Variants in PRELID2 observed in about 807,000 individuals in gnomAD.
PRELID2 encodes the protein PRELI domain containing 2, also known as PRELI domain-containing protein 2.
PRELID2 carries 25 observed loss-of-function variants against 28.4 expected under a neutral mutation model. The ratio of observed to expected loss-of-function variants is 0.88; its 90% CI spans 0.64 to 1.23. The LOEUF (loss-of-function observed/expected upper bound fraction) is 1.23, where lower values mean the gene tolerates loss of function less well. Ranked by LOEUF, PRELID2 falls within the 50% of genes most tolerant of loss-of-function variation. The probability of loss-of-function intolerance (pLI) is 0.00; values close to 1 mark genes in which losing one functional copy is unlikely to be tolerated. For synonymous variants in PRELID2, 76 were observed against 71.6 expected, an observed-to-expected ratio of 1.06 and a Z score of -0.31; for missense variants, 201 against 214.4, an observed-to-expected ratio of 0.94 and a Z score of 0.39.
At chr5:145,628,747 T>C (rs1753891025) in intron 1 of PRELID2, among the ~76,000 whole-genome samples, 1 of 152,194 alleles carries the variant, frequency 6.6e-6, no homozygotes, top group African/African-American at 2.4e-5. Flanking sequence ...TAACTGAGCA[T>C]TTTATGGGCA....
chr5:145,477,673 A>G (rs182579579), intron 1 of PRELID2, among the ~76,000 whole-genome samples: 3 of 152,346 alleles, frequency 2.0e-5, no homozygotes, highest in Non-Finnish European at 4.4e-5. Flanking sequence ...AATCTACTAT[A>G]TAAAATTCTA....
In PRELID2 at chr5:145,478,318, C is replaced by A. The variant is rs544669387; in HGVS notation, n.71-5003G>T. 1.1e-3 allele frequency among the ~76,000 whole-genome samples: 163 copies of A among 152,002 alleles called. 1 individual carries two copies. The highest frequency in any genetic ancestry group is 2.0e-3 in the Non-Finnish European group (133 of 67,982). ...ATCCCAGCACTTTGGGAGGCAGAAGCGGGCAGATCATGAGGCCAGGAGTTC... is the reference window on the plus strand; with the variant it reads ...ATCCCAGCACTTTGGGAGGCAGAAGAGGGCAGATCATGAGGCCAGGAGTTC... On this transcript the variant is annotated intron_variant and non_coding_transcript_variant, in intron 1 of 2. Transcript: ENST00000510259.
intron 1 of PRELID2, among the ~76,000 whole-genome samples, chr5:145,636,356 C>T (rs569054410): frequency 2.6e-5 from 4 of 152,220 alleles, no homozygotes; most frequent in Non-Finnish European, 5.9e-5. Context: ...GTATAATATA[C>T]TGACAAGCAT....
At chr5:145,578,635 A>G (rs1169687776) in intron 1 of PRELID2, among the ~76,000 whole-genome samples, 1 of 152,066 alleles carries the variant, frequency 6.6e-6, no homozygotes, top group East Asian at 1.9e-4. Context: ...TAGTTTTATG[A>G]TGGTAATCTT....
chr5:145,272,834 T>G, the PRELID2 span, among the ~76,000 whole-genome samples: 1 of 152,132 alleles, frequency 6.6e-6, no homozygotes, highest in African/African-American at 2.4e-5. Context: ...TCTATAAATT[T>G]TTCGCTTACT....
At chr5:145,378,151 G>T in the PRELID2 span, among the ~76,000 whole-genome samples, 2 of 152,180 alleles carry the variant, frequency 1.3e-5, no homozygotes, top group Non-Finnish European at 2.9e-5. Flanking sequence ...CAGCTGAGTG[G>T]TCTGCTGTTA....
intron 1 of PRELID2, among the ~76,000 whole-genome samples, chr5:145,659,379 T>C (rs10515553): frequency 0.26 from 39,085 of 152,244 alleles, 6,512 homozygotes; most frequent in Non-Finnish European, 0.38. Context: ...TACATTTATT[T>C]CACCGTATCA....
intron 1 of PRELID2, among the ~76,000 whole-genome samples, chr5:145,500,602 C>T (rs1752351469): frequency 6.6e-6 from 1 of 151,980 alleles, no homozygotes; most frequent in Admixed American, 6.6e-5. Context: ...AGCTTTTGAC[C>T]CAAGGGTCAG....
chr5:145,775,175 G>A (rs1348032379), intron 5 of PRELID2, among the ~76,000 whole-genome samples: 1 of 152,032 alleles, frequency 6.6e-6, no homozygotes, highest in African/African-American at 2.4e-5. Context: ...GGGAGGTGGA[G>A]GTTGCAGTGA....
the PRELID2 span, among the ~76,000 whole-genome samples, chr5:145,329,225 G>A: frequency 6.6e-6 from 1 of 152,002 alleles, no homozygotes; most frequent in Non-Finnish European, 1.5e-5. Context: ...CTCCAGCTTT[G>A]TTCTTTCTTT....
intron 1 of PRELID2, among the ~76,000 whole-genome samples, chr5:145,640,636 T>A (rs1243373859): frequency 9.1e-5 from 13 of 142,928 alleles, no homozygotes; most frequent in African/African-American, 3.5e-4. Flanking sequence ...AGAGCGAGAC[T>A]CTGTCTCAAA....
At chr5:145,557,735 A>C (rs1326781459) in intron 1 of PRELID2, among the ~76,000 whole-genome samples, 1 of 152,234 alleles carries the variant, frequency 6.6e-6, no homozygotes, top group African/African-American at 2.4e-5. Context: ...TGAGGTAAGC[A>C]AGCTAAGTGT....
At chr5:145,621,622 A>C (rs1753775447) in intron 1 of PRELID2, among the ~76,000 whole-genome samples, 1 of 152,226 alleles carries the variant, frequency 6.6e-6, no homozygotes, top group Non-Finnish European at 1.5e-5. Flanking sequence ...GGGAGGCAAA[A>C]ATGAATAAAT....
downstream of PRELID2, among the ~76,000 whole-genome samples, chr5:145,470,110 A>G (rs1013227385): frequency 5.9e-5 from 9 of 152,176 alleles, no homozygotes; most frequent in Non-Finnish European, 1.0e-4. Flanking sequence ...GAAGGGTGGG[A>G]CAGTTGTCTG....
chr5:145,319,233 C>G, the PRELID2 span, among the ~76,000 whole-genome samples: 3 of 152,174 alleles, frequency 2.0e-5, no homozygotes, highest in Non-Finnish European at 2.9e-5. Context: ...CCACACTTTT[C>G]TACCCAATAT....
chr5:145,817,210 A>AT (rs1561643788), intron 4 of PRELID2, among the ~76,000 whole-genome samples: 1 of 67,950 alleles, frequency 1.5e-5, no homozygotes, highest in African/African-American at 3.9e-5. Flanking sequence ...TAAATAAATA[A>AT]ATAAAAAAAA....
intron 5 of PRELID2, among the ~76,000 whole-genome samples, chr5:145,794,056 A>G (rs1031325165): frequency 6.6e-6 from 1 of 152,162 alleles, no homozygotes; most frequent in Admixed American, 6.5e-5. Flanking sequence ...TAATAAAGAA[A>G]AGAAATAAGC....
chr5:145,449,647 G>A, the PRELID2 span, among the ~76,000 whole-genome samples: 3 of 152,030 alleles, frequency 2.0e-5, no homozygotes, highest in Non-Finnish European at 2.9e-5. Flanking sequence ...ACCTTTGCCA[G>A]GGAACCACCC....
intron 1 of PRELID2, among the ~76,000 whole-genome samples, chr5:145,687,528 A>C (rs1032996678): frequency 7.2e-5 from 11 of 152,240 alleles, no homozygotes; most frequent in Admixed American, 1.3e-4. Flanking sequence ...ATCCTGGATC[A>C]GAAAATAAAA....
Sources: allele counts gnomAD v4.1 joint callset (sites outside exome capture counted in the v4.1 genomes callset), GRCh38; gene constraint gnomAD v4.1.1; transcripts MANE v1.5; gene names NCBI Gene and HGNC (gene_info 2026-07-23, HGNC 2026-07-21).